KLRG1: variants seen among roughly 807,000 people sequenced by gnomAD.
KLRG1 encodes the protein killer cell lectin like receptor G1, also known as killer cell lectin-like receptor subfamily G member 1.
In KLRG1, 16 loss-of-function variants were observed where a neutral mutation model predicts 21.8. The observed-to-expected ratio is 0.73, with a 90% CI of 0.50 to 1.11. The LOEUF is 1.11. Among genes scored for constraint, KLRG1 ranks in the 50% most tolerant of loss-of-function variants. The probability of loss-of-function intolerance (pLI) is 0.00; values close to 1 mark genes in which losing one functional copy is unlikely to be tolerated. For missense variants in KLRG1, 173 were observed against 218.3 expected, an observed-to-expected ratio of 0.79 and a Z score of 1.31; for synonymous variants, 69 against 75.9, an observed-to-expected ratio of 0.91 and a Z score of 0.47.
At chr12:8,998,283 T>C (rs1947196974) in intron 3 of KLRG1, among the ~76,000 whole-genome samples, 1 of 151,950 alleles carries the variant, frequency 6.6e-6, no homozygotes. Context: ...GAGCTGAGAC[T>C]GCACCACTGC....
At chr12:9,107,860 T>TC in the KLRG1 span, among the ~76,000 whole-genome samples, 16 of 152,188 alleles carry the variant, frequency 1.1e-4, no homozygotes, top group Non-Finnish European at 1.8e-4. Context: ...TTTTATCATT[T>TC]CTTTTTTTTC....
intron 1 of KLRG1, among the ~76,000 whole-genome samples, chr12:8,963,562 G>A (rs1449881404): frequency 1.3e-5 from 2 of 152,332 alleles, no homozygotes; most frequent in East Asian, 1.9e-4. Flanking sequence ...ATGAGTTAGG[G>A]AGGATTCCCT....
chr12:8,951,065 A>G (rs1032888552), intron 1 of KLRG1, among the ~76,000 whole-genome samples: 1 of 152,194 alleles, frequency 6.6e-6, no homozygotes, highest in African/African-American at 2.4e-5. Flanking sequence ...TTTCTTCCTG[A>G]AAATGAAAGT....
At chr12:9,074,618 T>C in the KLRG1 span, 1 of 1,613,830 alleles carries the variant, frequency 6.2e-7, no homozygotes, top group South Asian at 1.1e-5. Flanking sequence ...CTTCACGATG[T>C]TGGTTGCAGA....
chr12:9,200,040 A>G, the KLRG1 span, among the ~76,000 whole-genome samples: 1 of 152,220 alleles, frequency 6.6e-6, no homozygotes, highest in Non-Finnish European at 1.5e-5. Context: ...TTGTCGCAGA[A>G]GTGGACAATG....
At position 9,009,935 on chromosome 12, in the gene KLRG1, G is replaced by T. The variant is rs1947594182; in HGVS notation, c.*398G>T. 2 of 1,523,868 alleles carry T rather than the reference G, an allele frequency of 1.3e-6. No individual in the cohort carries two copies. The highest frequency in any genetic ancestry group is 3.9e-5 in the Admixed American group (2 of 50,662). The allele number at this position is 1,523,868 out of a possible 1,614,324, so 94.4% of individuals were successfully genotyped here. On this transcript the variant is annotated 3_prime_UTR_variant, in exon 5 of 5. Transcript: ENST00000356986. ...ATACTATTGCTTGTGTACTAGAGAA[G>T]TACATTATTGCTGTACTCCTCTGTA...
chr12:9,111,942 T>A, the KLRG1 span: 1 of 712,598 alleles, frequency 1.4e-6, no homozygotes, highest in Admixed American at 1.8e-5. Flanking sequence ...TTTAATTGTG[T>A]GACAACTGAC....
chr12:9,169,492 G>A, the KLRG1 span: 4 of 1,612,582 alleles, frequency 2.5e-6, no homozygotes, highest in Non-Finnish European at 3.4e-6. Flanking sequence ...GCTCCATTAT[G>A]AATGAAGAAA....
At chr12:9,020,823 G>A in the KLRG1 span, among the ~76,000 whole-genome samples, 1 of 152,168 alleles carries the variant, frequency 6.6e-6, no homozygotes, top group African/African-American at 2.4e-5. Flanking sequence ...GTATAGTTAT[G>A]TATTAGTTGA....
At chr12:8,955,354 C>G (rs905851727) in intron 1 of KLRG1, among the ~76,000 whole-genome samples, 7 of 146,288 alleles carry the variant, frequency 4.8e-5, no homozygotes, top group African/African-American at 1.5e-4. Flanking sequence ...TCTCCTAGTC[C>G]TAGAGGCAAC....
At chr12:9,014,822 A>G (rs1352148816), downstream of KLRG1, among the ~76,000 whole-genome samples, 1 of 152,184 alleles carries the variant, frequency 6.6e-6, no homozygotes, top group Non-Finnish European at 1.5e-5. Context: ...GGACAGTACA[A>G]TAACATAAAT....
the KLRG1 span, chr12:9,077,391 G>A: frequency 2.1e-5 from 34 of 1,613,394 alleles, no homozygotes; most frequent in South Asian, 1.4e-4. Context: ...TGATATAGGC[G>A]GAGAGGGTCA....
At chr12:9,113,643 C>T in the KLRG1 span, 11 of 1,192,254 alleles carry the variant, frequency 9.2e-6, no homozygotes, top group Non-Finnish European at 1.3e-5. Context: ...ATCAGTTCTA[C>T]ACCAAGAGAA....
chr12:9,004,585 G>C (rs1947412741), intron 3 of KLRG1, among the ~76,000 whole-genome samples: 1 of 152,066 alleles, frequency 6.6e-6, no homozygotes, highest in African/African-American at 2.4e-5. Flanking sequence ...CCTCCTCCCT[G>C]CCTCTGCCTC....
chr12:8,958,054 G>A (rs1019257427), intron 1 of KLRG1, among the ~76,000 whole-genome samples: 3 of 152,042 alleles, frequency 2.0e-5, no homozygotes, highest in African/African-American at 7.2e-5. Context: ...TTATGTTTAT[G>A]TCTGTAATTT....
At chr12:9,177,083 C>T in the KLRG1 span, among the ~76,000 whole-genome samples, 10 of 152,176 alleles carry the variant, frequency 6.6e-5, no homozygotes, top group African/African-American at 2.4e-4. Flanking sequence ...ACAATAATCT[C>T]TGCCTCCTGG....
At chr12:9,163,651 T>C in the KLRG1 span, 7 of 1,611,632 alleles carry the variant, frequency 4.3e-6, no homozygotes, top group Non-Finnish European at 5.1e-6. Context: ...TGTTAGGGAC[T>C]CCCAAAAATA....
At chr12:9,017,298 A>G in the KLRG1 span, among the ~76,000 whole-genome samples, 1 of 151,436 alleles carries the variant, frequency 6.6e-6, no homozygotes, top group African/African-American at 2.4e-5. Context: ...AAAGAAAAGA[A>G]AAAAAATCCC....
chr12:9,066,187 A>T, the KLRG1 span: 3 of 152,452 alleles, frequency 2.0e-5, no homozygotes, highest in Admixed American at 1.3e-4. Context: ...AGGTTAAAAG[A>T]GCTGTAACAC....
Sources: gnomAD v4.1 joint callset for allele counts (sites outside exome capture counted in the v4.1 genomes callset) on GRCh38, gnomAD v4.1.1 for gene constraint, MANE v1.5 for transcripts, NCBI Gene and HGNC (gene_info 2026-07-23, HGNC 2026-07-21) for gene names.